The following TMEM164 variants were observed in gnomAD, a reference collection of about 807,000 sequenced individuals.
TMEM164 encodes transmembrane protein 164, also known as RP13-360B22.2.
TMEM164 carries 4 observed loss-of-function variants against 18.8 expected under a neutral mutation model. The observed-to-expected ratio is 0.21, with a 90% CI of 0.10 to 0.49. The LOEUF (loss-of-function observed/expected upper bound fraction) is 0.49. TMEM164 is among the 20% of genes least tolerant of loss of function. The pLI is 0.98. For missense variants in TMEM164, 108 were observed against 239.9 expected (o/e 0.45, Z 3.63); for synonymous variants, 86 against 101.7 (o/e 0.85, Z 0.93).
intron 2 of TMEM164, among the ~76,000 whole-genome samples, chrX:110,050,660 A>C (rs965980034): frequency 9.0e-6 from 1 of 111,560 alleles, no homozygotes; most frequent in Non-Finnish European, 1.9e-5. Flanking sequence ...CCCTTTTTGA[A>C]AATCCAAGCA....
At chrX:110,029,809 CA>C (rs1215554669) in intron 2 of TMEM164, among the ~76,000 whole-genome samples, 1 of 111,206 alleles carries the variant, frequency 9.0e-6, no homozygotes, top group Non-Finnish European at 1.9e-5. Flanking sequence ...CCTAAATAAG[CA>C]CTCTGAGCTA....
intron 2 of TMEM164, among the ~76,000 whole-genome samples, chrX:110,023,992 A>G (rs1038487315): frequency 8.9e-6 from 1 of 111,790 alleles, no homozygotes; most frequent in East Asian, 2.8e-4. Context: ...CTTCTCTGAG[A>G]TTCAGTTTCT....
chrX:110,047,721 A>G (rs1385859400), intron 2 of TMEM164, among the ~76,000 whole-genome samples: 1 of 111,806 alleles, frequency 8.9e-6, no homozygotes, highest in African/African-American at 3.3e-5. Context: ...TGCTGAATGG[A>G]TTTTGTTGCA....
At chrX:110,155,615 T>C (rs1338719585) in intron 5 of TMEM164, among the ~76,000 whole-genome samples, 2 of 111,388 alleles carry the variant, frequency 1.8e-5, no homozygotes, top group Admixed American at 1.9e-4. Flanking sequence ...GACTGTGGGC[T>C]CTCAGCCTCT....
intron 4 of TMEM164, among the ~76,000 whole-genome samples, chrX:110,144,135 C>A (rs927205362): frequency 1.8e-5 from 2 of 111,542 alleles, no homozygotes; most frequent in African/African-American, 6.6e-5. Context: ...GAAGCTTGGT[C>A]TAAACTCAAA....
intron 3 of TMEM164, among the ~76,000 whole-genome samples, chrX:110,096,308 G>A (rs769805617): frequency 8.9e-6 from 1 of 112,885 alleles, no homozygotes; most frequent in Admixed American, 9.3e-5. Flanking sequence ...AGGCAGGCAG[G>A]CCTCCTTCAG....
chrX:110,141,265 C>A (rs1303960420), intron 4 of TMEM164, among the ~76,000 whole-genome samples: 1 of 112,115 alleles, frequency 8.9e-6, no homozygotes, highest in Non-Finnish European at 1.9e-5. Context: ...CCTTAGTTTC[C>A]TGTATGTCAG....
At chrX:110,055,192 C>A in intron 2 of TMEM164, 1 of 314,463 alleles carries the variant, frequency 3.2e-6, no homozygotes, top group Non-Finnish European at 6.4e-6. Context: ...TATGGCCATG[C>A]TATTCTCTTG....
downstream of TMEM164, among the ~76,000 whole-genome samples, chrX:110,178,527 C>A (rs1377534856): frequency 8.9e-6 from 1 of 112,356 alleles, no homozygotes; most frequent in African/African-American, 3.2e-5. Flanking sequence ...CCATTGCCAT[C>A]CCTACCCTGG....
At chrX:110,082,225 G>A (rs1169571157) in intron 3 of TMEM164, 1 of 113,451 alleles carries the variant, frequency 8.8e-6, no homozygotes, top group Non-Finnish European at 1.9e-5. Context: ...TTGATCTCTA[G>A]TATCTCCAAC....
chrX:110,055,790 T>C (rs1438628057), intron 2 of TMEM164, among the ~76,000 whole-genome samples: 1 of 110,394 alleles, frequency 9.1e-6, no homozygotes, highest in East Asian at 2.8e-4. Context: ...GGGGAAGGAA[T>C]AGCGAGAAGA....
At chrX:110,130,535 C>T (rs1274099134) in intron 4 of TMEM164, among the ~76,000 whole-genome samples, 1 of 111,209 alleles carries the variant, frequency 9.0e-6, no homozygotes, top group Non-Finnish European at 1.9e-5. Context: ...TTTTGAACAC[C>T]AGTCACATCA....
intron 2 of TMEM164, among the ~76,000 whole-genome samples, chrX:110,046,714 C>T (rs1485547333): frequency 1.8e-5 from 2 of 112,292 alleles, no homozygotes; most frequent in Admixed American, 9.4e-5. Context: ...AGTTTCCTCT[C>T]CCATCTATTG....
intron 6 of TMEM164, 63 bp downstream of exon 6, chrX:110,171,583 C>T: frequency 1.1e-6 from 1 of 927,655 alleles, no homozygotes. Context: ...TCTTGGTAAT[C>T]CTGGTTGGTG....
At position 110,175,744 on chromosome X, in the gene TMEM164, G is replaced by T; in HGVS notation, c.*2293G>T. 1.7e-5 allele frequency: 13 copies of T among 754,651 alleles called. No individual in the cohort carries two copies. Among genetic ancestry groups the T allele is most frequent in the Non-Finnish European group, 2.0e-5 (13 of 639,488 alleles). The allele number at this position is 754,651 out of a possible 1,213,427, so 62.2% of individuals were successfully genotyped here. ...ACATGTAGGTCAAAAGAATAGAGGG[G>T]GCCCAGTCTATAGGCTTCACAAGGA... On this transcript the variant is annotated 3_prime_UTR_variant, in exon 7 of 7. Transcript: ENST00000372068.
intron 4 of TMEM164, among the ~76,000 whole-genome samples, chrX:110,136,013 TA>T (rs997565927): frequency 9.9e-5 from 11 of 111,154 alleles, no homozygotes; most frequent in African/African-American, 3.3e-4. Flanking sequence ...GAATGTCTTT[TA>T]AAAAAAAATC....
At position 110,134,453 on chromosome X, in the gene TMEM164, G is replaced by C. The variant is rs183796158; in HGVS notation, c.508-10345G>C. 2.3e-3 allele frequency among the ~76,000 whole-genome samples: 246 copies of C among 107,740 alleles called. 1 individual carries two copies. The highest frequency in any genetic ancestry group is 0.013 in the South Asian group (31 of 2,413). 93.6% of individuals were successfully genotyped at this position (107,740 alleles called of 115,157 possible). On this transcript the variant is annotated intron_variant, in intron 4 of 6. Transcript: ENST00000372068. ...CCTGTGCCTGTAGTCCCAGCTACTC[G>C]GGAGGCTGAGGCAGGAGAATCTCTT...
chrX:110,013,753 G>A (rs970733980), intron 2 of TMEM164, among the ~76,000 whole-genome samples: 1 of 111,948 alleles, frequency 8.9e-6, no homozygotes, highest in Non-Finnish European at 1.9e-5. Flanking sequence ...TCTGTAAAAT[G>A]GGAATAATAA....
chrX:110,107,581 C>T (rs1370383963), intron 3 of TMEM164, among the ~76,000 whole-genome samples: 1 of 110,888 alleles, frequency 9.0e-6, no homozygotes, highest in East Asian at 2.8e-4. Flanking sequence ...GGTTTCTGTG[C>T]CATTCTCCGG....
Sources: gnomAD v4.1 joint callset for allele counts (sites outside exome capture counted in the v4.1 genomes callset) on GRCh38, gnomAD v4.1.1 for gene constraint, MANE v1.5 for transcripts, NCBI Gene and HGNC (gene_info 2026-07-23, HGNC 2026-07-21) for gene names.